Variants in TYW1 observed in about 807,000 individuals in gnomAD.
The protein encoded by TYW1 is tRNA-yW synthesizing protein 1 homolog.
TYW1 carries 46 observed loss-of-function variants against 96.2 expected under a neutral mutation model. The ratio of observed to expected loss-of-function variants is 0.48; its 90% CI spans 0.38 to 0.61. The LOEUF (loss-of-function observed/expected upper bound fraction) is 0.61. Among genes scored for constraint, TYW1 ranks in the 20% least tolerant of loss-of-function variants. TYW1 has a pLI of 0.00. For synonymous variants in TYW1, 274 were observed against 323.0 expected (o/e 0.85, Z 1.63); for missense variants, 684 against 909.6 (o/e 0.75, Z 3.19).
chr7:67,177,923 G>A (rs1799724850), intron 13 of TYW1, among the ~76,000 whole-genome samples: 1 of 148,956 alleles, frequency 6.7e-6, no homozygotes, highest in African/African-American at 2.5e-5. Context: ...GGAGGCCAAG[G>A]CAAGAGGATT....
chr7:67,020,145 G>A (rs1486910539), intron 6 of TYW1, among the ~76,000 whole-genome samples: 2 of 152,280 alleles, frequency 1.3e-5, no homozygotes, highest in African/African-American at 2.4e-5. Flanking sequence ...GGAGGCCAAG[G>A]TGGGTGGGAG....
intron 7 of TYW1, among the ~76,000 whole-genome samples, chr7:67,034,109 ATT>A (rs11324667): frequency 1.3e-4 from 18 of 141,292 alleles, no homozygotes; most frequent in Admixed American, 1.4e-4. Flanking sequence ...TTTTTATTTT[ATT>A]TTTTTTTTTT....
At chr7:67,125,675 C>A (rs927996811) in intron 13 of TYW1, among the ~76,000 whole-genome samples, 8 of 152,106 alleles carry the variant, frequency 5.3e-5, no homozygotes, top group Non-Finnish European at 1.0e-4. Context: ...ATTACAGTGT[C>A]ATATGGGGTA....
intron 5 of TYW1, among the ~76,000 whole-genome samples, chr7:67,015,342 T>A (rs562717159): frequency 9.3e-4 from 141 of 151,816 alleles, no homozygotes; most frequent in Middle Eastern, 3.4e-3. Flanking sequence ...TTAAAAAAAA[T>A]TTTTTTTTAA....
At chr7:67,161,433 C>G (rs1265183609) in intron 13 of TYW1, among the ~76,000 whole-genome samples, 1 of 152,162 alleles carries the variant, frequency 6.6e-6, no homozygotes, top group East Asian at 1.9e-4. Flanking sequence ...TAGGTTGGCT[C>G]TCTTTCTGAA....
At chr7:67,091,323 C>A (rs1796710792) in intron 11 of TYW1, among the ~76,000 whole-genome samples, 1 of 148,560 alleles carries the variant, frequency 6.7e-6, no homozygotes, top group Admixed American at 6.9e-5. Flanking sequence ...GACAGAAAAC[C>A]AAACACTGCA....
At chr7:67,093,874 T>G (rs1037362328) in intron 11 of TYW1, among the ~76,000 whole-genome samples, 2 of 151,366 alleles carry the variant, frequency 1.3e-5, no homozygotes, top group Non-Finnish European at 2.9e-5. Context: ...TTATTTTGTA[T>G]TAGGGGTACA....
intron 12 of TYW1, among the ~76,000 whole-genome samples, chr7:67,111,007 AAAAT>A (rs764046069): frequency 2.6e-5 from 4 of 152,126 alleles, no homozygotes; most frequent in Non-Finnish European, 5.9e-5. Flanking sequence ...CTTGTCGCAA[AAAAT>A]AAATAAAAAG....
chr7:67,075,770 T>G (rs962567044), intron 10 of TYW1, among the ~76,000 whole-genome samples: 1 of 152,200 alleles, frequency 6.6e-6, no homozygotes, highest in Non-Finnish European at 1.5e-5. Context: ...GGTTTCTTTT[T>G]GGGAATGACA....
At chr7:67,235,911 G>GA (rs369840283) in intron 15 of TYW1, among the ~76,000 whole-genome samples, 50 of 82,554 alleles carry the variant, frequency 6.1e-4, no homozygotes, top group Middle Eastern at 7.2e-3. Flanking sequence ...AAAAAAAAAA[G>GA]AAAAAGAGGT....
intron 9 of TYW1, among the ~76,000 whole-genome samples, chr7:67,060,069 G>A (rs1795649280): frequency 7.2e-6 from 1 of 139,110 alleles, no homozygotes; most frequent in Non-Finnish European, 1.5e-5. Context: ...CACCGTGCCC[G>A]GCCCTGTAGT....
intron 5 of TYW1, 40 bp from the exon 6 acceptor site, chr7:67,017,813 A>G (rs1274175830): frequency 1.3e-6 from 2 of 1,576,088 alleles, no homozygotes. Context: ...ACCCTGATTT[A>G]GAGAACCGTG....
At chr7:67,012,375 C>G (rs1013523342) in intron 4 of TYW1, among the ~76,000 whole-genome samples, 1 of 151,974 alleles carries the variant, frequency 6.6e-6, no homozygotes, top group Non-Finnish European at 1.5e-5. Flanking sequence ...AGGCAGCAAG[C>G]AAGATGTGGC....
chr7:67,058,775 C>G (rs1206624299), intron 9 of TYW1, among the ~76,000 whole-genome samples: 2 of 151,990 alleles, frequency 1.3e-5, no homozygotes, highest in Admixed American at 1.3e-4. Flanking sequence ...TGTGCCTGGC[C>G]CCATATGTAG....
At chr7:67,129,386 G>A (rs1193466522) in intron 13 of TYW1, among the ~76,000 whole-genome samples, 1 of 152,070 alleles carries the variant, frequency 6.6e-6, no homozygotes, top group Non-Finnish European at 1.5e-5. Flanking sequence ...CTAATGACTG[G>A]GTCTGTCTGG....
rs577894976 is a variant in TYW1, at chr7:67,005,116, T to C, written c.274-4467T>C. 3.3e-5 allele frequency among the ~76,000 whole-genome samples: 5 copies of C among 152,188 alleles called. No homozygotes were observed. The South Asian group carries it at 1.0e-3, about 32-fold the overall frequency. The stretch of plus-strand genomic sequence containing the variant: ...CCCCAATCTCTTCTGGATTGTAGGG[T>C]TTCTGCTGAAAGGTCCACTGTTACC... On this transcript the variant is annotated intron_variant, in intron 3 of 15. Coordinates refer to ENST00000359626, the MANE Select transcript of TYW1 (RefSeq NM_018264.4).
chr7:67,207,380 TCATTCATTCACTC>T (rs1800839663), intron 15 of TYW1, among the ~76,000 whole-genome samples: 1 of 152,218 alleles, frequency 6.6e-6, no homozygotes, highest in African/African-American at 2.4e-5. Flanking sequence ...TTCTTCCTTA[TCATTCATTCACTC>T]CATTTATTCA....
In TYW1 at chr7:67,055,872, T is replaced by G. The variant is rs1419668169; in HGVS notation, c.1140T>G (p.Leu380=). 3 of 1,612,894 alleles carry G rather than the reference T, an allele frequency of 1.9e-6. No homozygotes were observed. Among genetic ancestry groups the G allele is most frequent in the Non-Finnish European group, 2.5e-6 (3 of 1,179,410 alleles). The change falls in exon 9 of 16, where the codon CTT becomes CTG. Residue 380 remains leucine (L), a synonymous_variant. Coordinates refer to ENST00000359626, the MANE Select transcript of TYW1 (RefSeq NM_018264.4). ...QLIGSHSGVK[L]CRWTKSMLRG... is the part of the protein sequence containing the mutation. The stretch of plus-strand genomic sequence containing the variant: ...TTGGGAGCCACTCGGGGGTGAAGCT[T>G]TGCAGGTGGACAAAGGTATTTTTTT...
At chr7:67,210,692 G>GTCCA (rs1300112331) in intron 15 of TYW1, among the ~76,000 whole-genome samples, 1 of 81,948 alleles carries the variant, frequency 1.2e-5, no homozygotes, top group Non-Finnish European at 2.6e-5. Flanking sequence ...CCATCCATTC[G>GTCCA]TCCATCCATC....
Sources: allele counts gnomAD v4.1 joint callset (sites outside exome capture counted in the v4.1 genomes callset), GRCh38; gene constraint gnomAD v4.1.1; transcripts MANE v1.5; gene names NCBI Gene and HGNC (gene_info 2026-07-23, HGNC 2026-07-21).